The following OTOG variants were observed in gnomAD, a reference collection of about 807,000 sequenced individuals.
OTOG encodes the protein otogelin.
In OTOG, 296 loss-of-function variants were observed where a neutral mutation model predicts 313.8. The observed-to-expected ratio is 0.94, with a 90% confidence interval of 0.86 to 1.04. The LOEUF (loss-of-function observed/expected upper bound fraction) is 1.04. OTOG is among the 50% of genes least tolerant of loss of function. The pLI is 0.00. For synonymous variants in OTOG, 1,533 were observed against 1,554.9 expected (o/e 0.99, Z 0.33); for missense variants, 3,948 against 3,840.1 (o/e 1.03, Z -0.74).
Position 17,640,827 on chromosome 11 carries a change from G to T in OTOG, c.8011+7G>T, listed in dbSNP as rs1001713161. 6.5e-6 allele frequency: 10 copies of T among 1,550,260 alleles called. No homozygotes were observed. The highest frequency in any genetic ancestry group is 1.4e-5 in the African/African-American group (1 of 73,178). Reference sequence around the variant, plus strand: ...TGCGCCAAGTACGAGTGTGGTGAGTGGGGGAAGCCTCGGGGCAGAGCCATG... The same window carrying T: ...TGCGCCAAGTACGAGTGTGGTGAGTTGGGGAAGCCTCGGGGCAGAGCCATG... On this transcript the variant is annotated splice_region_variant and intron_variant, in intron 50 of 55. Coordinates refer to ENST00000399397, the MANE Select transcript of OTOG (RefSeq NM_001292063.2).
chr11:17,613,179 TTTCTTTCTTTCTTTCTTTTCTTTC>T (rs1853610083), intron 38 of OTOG, among the ~76,000 whole-genome samples: 1 of 97,724 alleles, frequency 1.0e-5, no homozygotes, highest in Non-Finnish European at 2.0e-5. Context: ...CTTTTCTTTC[TTTCTTTCTTTCTTTCTTTTCTTTC>T]TTTCTTTCTT....
At position 17,637,767 on chromosome 11, in the gene OTOG, C is replaced by T. The variant is rs147960468; in HGVS notation, c.7796-684C>T. ...CTATTACTTTGACACCATAAAAATG[C>T]CCTCCCTCATAATTTTTTGGAACAC... On this transcript the variant is annotated intron_variant, in intron 47 of 55. Transcript: ENST00000399397. Among the ~76,000 whole-genome samples the T allele has an allele frequency of 4.3e-3, 648 of 152,088 alleles. 3 individuals are homozygous for T. Among genetic ancestry groups the T allele is most frequent in the African/African-American group, 0.015 (624 of 41,456 alleles).
rs538849335 is a variant in OTOG, at chr11:17,581,379, A to G, written c.2759+2853A>G. ...GTAGGCACCAGGAGGGGTGAGATGC[A>G]TCGTGGAAACAGGGAGATTCAGTGA... On this transcript the variant is annotated intron_variant, in intron 23 of 55. Coordinates refer to ENST00000399397, the MANE Select transcript of OTOG (RefSeq NM_001292063.2). 1.6e-4 allele frequency among the ~76,000 whole-genome samples: 25 copies of G among 152,326 alleles called. No homozygotes were observed. The South Asian group carries it at 5.0e-3, about 30-fold the overall frequency.
Position 17,645,748 on chromosome 11 carries a change from A to G in OTOG, c.8546A>G (p.Asn2849Ser), listed in dbSNP as rs1482467018. The stretch of plus-strand genomic sequence containing the variant: ...TCACTGGCCTGCCCGTTCCAGGTGA[A>G]CCTAGTGTCCTGCGATGGGAGGTGC... ...KNECRSSTPV[N>S]LVSCDGRCPS... The change falls in exon 56 of 56, where the codon AAC becomes AGC. Residue 2849 changes from asparagine to serine, a missense_variant. Coordinates refer to ENST00000399397, the MANE Select transcript of OTOG (RefSeq NM_001292063.2). 1 of 1,550,878 alleles carries G rather than the reference A, an allele frequency of 6.4e-7. No individual in the cohort carries two copies. Among genetic ancestry groups the G allele is most frequent in the South Asian group, 1.2e-5 (1 of 84,064 alleles).
intron 29 of OTOG, among the ~76,000 whole-genome samples, chr11:17,596,452 G>C (rs1045594111): frequency 6.6e-6 from 1 of 152,212 alleles, no homozygotes; most frequent in African/African-American, 2.4e-5. Context: ...TCATGCTGAG[G>C]CACCACCTAT....
At chr11:17,548,412 T>G (rs1279461609) in intron 3 of OTOG, among the ~76,000 whole-genome samples, 200 bp downstream of exon 3, 1 of 133,010 alleles carries the variant, frequency 7.5e-6, no homozygotes, top group Non-Finnish European at 1.6e-5. Context: ...GGGTCTATAG[T>G]CCACTCTTTT....
chr11:17,553,138 T>C lies in OTOG; in HGVS notation c.312T>C (p.Asn104=), dbSNP rs780779195. ...CAPSYLFSCF[N]GGECVHPAFC... ...ATGCAGACTTGTTCTCCTGCTTCAA[T>C]GGAGGCGAGTGTGTGCACCCAGCCT... is the stretch of plus-strand genomic sequence containing the variant. The change falls in exon 5 of 56, where the codon AAT becomes AAC. Residue 104 remains asparagine (N), a synonymous_variant. Transcript: ENST00000399397. 2.4e-5 allele frequency: 37 copies of C among 1,550,550 alleles called. No individual in the cohort carries two copies. In the Middle Eastern group the frequency reaches 3.7e-3, roughly 154 times the overall value.
intron 17 of OTOG, 89 bp from the exon 18 acceptor site, chr11:17,571,991 A>G (rs1385685134): frequency 4.0e-6 from 6 of 1,507,724 alleles, no homozygotes; most frequent in Non-Finnish European, 4.5e-6. Context: ...TGTGTATATG[A>G]GCAAGTAGGT....
At chr11:17,584,614 C>T (rs551711491) in intron 23 of OTOG, among the ~76,000 whole-genome samples, 12 of 152,086 alleles carry the variant, frequency 7.9e-5, no homozygotes, top group Admixed American at 6.5e-4. Flanking sequence ...CAACCTCCAC[C>T]TCCCAGGTCT....
chr11:17,602,386 C>G lies in OTOG; in HGVS notation c.3877+9C>G, dbSNP rs1202293615. 1.9e-6 allele frequency: 3 copies of G among 1,546,430 alleles called. No homozygotes were observed. In the East Asian group the frequency reaches 7.4e-5, roughly 38 times the overall value. On this transcript the variant is annotated intron_variant, in intron 32 of 55. Coordinates refer to ENST00000399397, the MANE Select transcript of OTOG (RefSeq NM_001292063.2). ...CAAGGCCAAGGCCCATGGTAAGGCC[C>G]ATCCCAGTCCCACTCCAGCTCTTCT...
At chr11:17,592,007 A>C (rs1852954618) in intron 25 of OTOG, among the ~76,000 whole-genome samples, 2 of 152,228 alleles carry the variant, frequency 1.3e-5, no homozygotes, top group Non-Finnish European at 2.9e-5. Context: ...GAAGTTAGGT[A>C]ACTTGCCCAA....
chr11:17,613,163 T>G (rs963237869), intron 38 of OTOG, among the ~76,000 whole-genome samples: 1 of 146,288 alleles, frequency 6.8e-6, no homozygotes, highest in African/African-American at 2.7e-5. Context: ...TTCTCTTCTC[T>G]TCTCCCTTTT....
chr11:17,552,962 G>A (rs1008045329), intron 4 of OTOG, among the ~76,000 whole-genome samples, 157 bp from the exon 5 acceptor site: 3 of 152,364 alleles, frequency 2.0e-5, no homozygotes, highest in Non-Finnish European at 4.4e-5. Flanking sequence ...GGGCAGGGCT[G>A]TGGTCTGAGG....
chr11:17,547,346 C>A lies in OTOG; in HGVS notation c.-27C>A. On this transcript the variant is annotated 5_prime_UTR_variant, in exon 1 of 56. Transcript: ENST00000399397. The stretch of plus-strand genomic sequence containing the variant: ...CACCTCGGGAGGCTGGCCCTGCGCT[C>A]AAGTCCTCCGGTCCCCTCGTGTCCC... 1.5e-6 allele frequency: 2 copies of A among 1,326,722 alleles called. No individual in the cohort carries two copies. The highest frequency in any genetic ancestry group is 2.1e-5 in the South Asian group (1 of 47,760). The allele number at this position is 1,326,722 out of a possible 1,614,324, so 82.2% of individuals were successfully genotyped here.
intron 28 of OTOG, among the ~76,000 whole-genome samples, chr11:17,594,433 T>A (rs1035095770): frequency 6.6e-6 from 1 of 152,138 alleles, no homozygotes; most frequent in African/African-American, 2.4e-5. Flanking sequence ...ACAAAGTCTG[T>A]CCCAGGAGAG....
chr11:17,570,878 G>A (rs1852389718), intron 17 of OTOG, among the ~76,000 whole-genome samples: 1 of 152,110 alleles, frequency 6.6e-6, no homozygotes. Flanking sequence ...AACCCACCAG[G>A]CCAGTCTAAC....
chr11:17,621,954 C>A (rs1232494121), intron 39 of OTOG, among the ~76,000 whole-genome samples: 6 of 152,182 alleles, frequency 3.9e-5, no homozygotes, highest in Non-Finnish European at 5.9e-5. Flanking sequence ...TCGTTTTTAA[C>A]CTTTTATTCT....
At position 17,572,646 on chromosome 11, in the gene OTOG, AC is replaced by A. The variant is rs1375512700; in HGVS notation, c.2081-431del. Among the ~76,000 whole-genome samples the A allele has an allele frequency of 5.3e-5, 8 of 152,258 alleles. No homozygotes were observed. In the South Asian group the frequency reaches 1.7e-3, roughly 32 times the overall value. On this transcript the variant is annotated intron_variant, in intron 18 of 55. Coordinates refer to ENST00000399397, the MANE Select transcript of OTOG (RefSeq NM_001292063.2). Reference sequence around the variant, plus strand: ...TGGAATGCTGTTTCTGCAGACACACACATGCCTCAGTTCCTCACTTCTTTCA... The same window carrying A: ...TGGAATGCTGTTTCTGCAGACACACAATGCCTCAGTTCCTCACTTCTTTCA...
intron 14 of OTOG, 122 bp from the exon 15 acceptor site, chr11:17,561,540 A>C (rs1159980888): frequency 9.3e-7 from 1 of 1,069,744 alleles, no homozygotes; most frequent in South Asian, 1.5e-5. Flanking sequence ...GCCAGGCCTC[A>C]TTCCTTATAC....
Sources: allele counts gnomAD v4.1 joint callset (sites outside exome capture counted in the v4.1 genomes callset), GRCh38; gene constraint gnomAD v4.1.1; transcripts MANE v1.5; gene names NCBI Gene and HGNC (gene_info 2026-07-23, HGNC 2026-07-21).